The following SLC2A12 variants were observed in gnomAD, a reference collection of about 807,000 sequenced individuals.
SLC2A12 encodes solute carrier family 2 member 12, also known as solute carrier family 2, facilitated glucose transporter member 12.
In SLC2A12, 23 loss-of-function variants were observed where a neutral mutation model predicts 41.8. The observed-to-expected ratio is 0.55, with a 90% CI of 0.40 to 0.78. The LOEUF (loss-of-function observed/expected upper bound fraction) is 0.78, where lower values mean the gene tolerates loss of function less well. Ranked by LOEUF, SLC2A12 falls within the 30% of genes least tolerant of loss-of-function variation. The pLI, the probability that SLC2A12 is intolerant of heterozygous loss-of-function variation, is 0.00. For missense variants in SLC2A12, 654 were observed against 745.6 expected (o/e 0.88, Z 1.43); for synonymous variants, 295 against 285.9 (o/e 1.03, Z -0.32).
chr6:134,003,587 C>G (rs1348522145), intron 3 of SLC2A12, among the ~76,000 whole-genome samples: 1 of 152,206 alleles, frequency 6.6e-6, no homozygotes, highest in East Asian at 1.9e-4. Flanking sequence ...TCTCCCCACC[C>G]CTTCTCCGTG....
intron 4 of SLC2A12, among the ~76,000 whole-genome samples, chr6:133,995,143 A>G (rs2114416527): frequency 6.6e-6 from 1 of 152,350 alleles, no homozygotes; most frequent in Middle Eastern, 3.4e-3. Flanking sequence ...AAACTTGGCT[A>G]TACATAGTAC....
At chr6:134,043,559 C>G (rs1777413586) in intron 1 of SLC2A12, among the ~76,000 whole-genome samples, 1 of 151,942 alleles carries the variant, frequency 6.6e-6, no homozygotes, top group Non-Finnish European at 1.5e-5. Context: ...CTTTGGGAGG[C>G]CGAGATGGGC....
At chr6:134,043,740 C>G (rs772188279) in intron 1 of SLC2A12, among the ~76,000 whole-genome samples, 1 of 143,714 alleles carries the variant, frequency 7.0e-6, no homozygotes, top group African/African-American at 2.6e-5. Context: ...TGCAGTGAGC[C>G]GAGATCACAC....
At chr6:134,021,246 G>T (rs1247819550) in intron 2 of SLC2A12, among the ~76,000 whole-genome samples, 3 of 152,170 alleles carry the variant, frequency 2.0e-5, no homozygotes, top group African/African-American at 7.2e-5. Context: ...AAGTAAAGAA[G>T]CCCAATTTGA....
intron 1 of SLC2A12, among the ~76,000 whole-genome samples, chr6:134,048,512 T>C (rs139048992): frequency 0.01 from 1,550 of 152,242 alleles, 38 homozygotes; most frequent in African/African-American, 0.035. Flanking sequence ...GAGGTTGCAG[T>C]GAGCCAAGAT....
At chr6:134,015,492 A>T (rs1776948326) in intron 2 of SLC2A12, among the ~76,000 whole-genome samples, 1 of 152,218 alleles carries the variant, frequency 6.6e-6, no homozygotes, top group South Asian at 2.1e-4. Flanking sequence ...ATATATATTT[A>T]AAAAATAAAT....
chr6:134,014,570 A>G (rs769786824), intron 2 of SLC2A12, among the ~76,000 whole-genome samples: 3 of 152,234 alleles, frequency 2.0e-5, no homozygotes, highest in Non-Finnish European at 4.4e-5. Flanking sequence ...TTGATACTTT[A>G]ATTAGAAATG....
chr6:133,988,289 G>A lies in SLC2A12; in HGVS notation c.*2866C>T, dbSNP rs1440534728. ...AACAGTGTCTCTGGCTCACCCAGGA[G>A]CCCTGATGTGGTAATACAGGATCAA... On this transcript the variant is annotated 3_prime_UTR_variant, in exon 5 of 5. Transcript: ENST00000275230. 2 of 152,302 alleles carry A rather than the reference G, an allele frequency of 1.3e-5. No individual in the cohort carries two copies. The highest frequency in any genetic ancestry group is 3.9e-4 in the East Asian group (2 of 5,188). The allele number at this position is 152,302 out of a possible 1,614,324, so 9.4% of individuals were successfully genotyped here. A position where few individuals can be genotyped will look rare whatever the true frequency, so the allele number is the denominator to read the frequency against.
Position 134,029,415 on chromosome 6 carries a change from C to A in SLC2A12, c.410G>T (p.Arg137Leu). The A allele has an allele frequency of 6.2e-7, 1 of 1,614,118 alleles. No homozygotes were observed. Among genetic ancestry groups the A allele is most frequent in the Non-Finnish European group, 8.5e-7 (1 of 1,180,030 alleles). ...GGAGATGGAGACCCCTATGGCAATGCGTCCCACTATAAGAACCGTGTAGGA... is the reference window on the plus strand; with the variant it reads ...GGAGATGGAGACCCCTATGGCAATGAGTCCCACTATAAGAACCGTGTAGGA... ...SLSYTVLIVG[R>L]IAIGVSISLS... is the part of the protein sequence containing the mutation. Residue 137 changes from arginine (R) to leucine (L), a missense_variant, in exon 2 of 5, where the codon CGC (arginine) becomes CTC (leucine). Arg to Leu is a moderately radical substitution (Grantham distance 102). Transcript: ENST00000275230.
intron 3 of SLC2A12, among the ~76,000 whole-genome samples, chr6:134,002,715 T>A (rs947558763): frequency 2.0e-5 from 3 of 152,236 alleles, no homozygotes; most frequent in Non-Finnish European, 4.4e-5. Flanking sequence ...TCATTTTTAA[T>A]AGCTTGCAGT....
At chr6:134,008,998 T>C (rs1383952084) in intron 2 of SLC2A12, 1 of 152,270 alleles carries the variant, frequency 6.6e-6, no homozygotes. Context: ...TCTTTCATCA[T>C]GGTGGCCTTG....
chr6:133,990,865 C>A lies in SLC2A12; in HGVS notation c.*290G>T. ...CACTAGGACATAGTCTATTCAAAGG[C>A]TGCTCTGTGAAGAAGGTAGAAAGTA... On this transcript the variant is annotated 3_prime_UTR_variant, in exon 5 of 5. Transcript: ENST00000275230. 1 of 264,682 alleles carries A rather than the reference C, an allele frequency of 3.8e-6. No homozygotes were observed. 16.4% of individuals were successfully genotyped at this position (264,682 alleles called of 1,614,324 possible). A position where few individuals can be genotyped will look rare whatever the true frequency, so the allele number is the denominator to read the frequency against.
intron 3 of SLC2A12, among the ~76,000 whole-genome samples, chr6:134,003,194 G>C (rs1776773926): frequency 6.6e-6 from 1 of 152,194 alleles, no homozygotes; most frequent in African/African-American, 2.4e-5. Flanking sequence ...GTTGTGCTGA[G>C]GTTGGGAGAA....
At chr6:134,001,793 T>C (rs2114425991) in intron 4 of SLC2A12, among the ~76,000 whole-genome samples, 1 of 147,926 alleles carries the variant, frequency 6.8e-6, no homozygotes, top group Middle Eastern at 3.8e-3. Context: ...TGGGAAGAAA[T>C]GGTTATTCTT....
At chr6:134,006,318 T>C (rs372065196) in intron 3 of SLC2A12, among the ~76,000 whole-genome samples, 13 of 151,532 alleles carry the variant, frequency 8.6e-5, no homozygotes, top group African/African-American at 2.7e-4. Context: ...TTTAAAAATA[T>C]AAGGTATAGT....
chr6:133,992,635 G>A (rs114670594), intron 4 of SLC2A12, among the ~76,000 whole-genome samples: 1 of 152,184 alleles, frequency 6.6e-6, no homozygotes, highest in Non-Finnish European at 1.5e-5. Context: ...TTGCCTGAGT[G>A]ATGGAGGGAG....
chr6:134,034,902 G>A (rs1404216599), intron 1 of SLC2A12, among the ~76,000 whole-genome samples: 2 of 151,988 alleles, frequency 1.3e-5, no homozygotes, highest in African/African-American at 4.8e-5. Flanking sequence ...TGCTTCACAG[G>A]GGCCCTTCCT....
chr6:134,001,167 G>C (rs1359616414), intron 4 of SLC2A12, among the ~76,000 whole-genome samples: 2 of 151,764 alleles, frequency 1.3e-5, no homozygotes, highest in Admixed American at 1.3e-4. Context: ...GGGAAGCATT[G>C]GGGGGTGGTG....
intron 1 of SLC2A12, among the ~76,000 whole-genome samples, chr6:134,037,947 A>G (rs1777326157): frequency 6.6e-6 from 1 of 151,822 alleles, no homozygotes; most frequent in South Asian, 2.1e-4. Flanking sequence ...TTGGCATTGG[A>G]CCCTGCATGG....
Sources: gnomAD v4.1 joint callset for allele counts (sites outside exome capture counted in the v4.1 genomes callset) on GRCh38, gnomAD v4.1.1 for gene constraint, MANE v1.5 for transcripts, NCBI Gene and HGNC (gene_info 2026-07-23, HGNC 2026-07-21) for gene names.